LPIN1: variants seen among roughly 807,000 people sequenced by gnomAD.
The protein encoded by LPIN1 is phosphatidate phosphatase LPIN1.
In LPIN1, 71 loss-of-function variants were observed where a neutral mutation model predicts 107.5. The ratio of observed to expected loss-of-function variants is 0.66; its 90% CI spans 0.55 to 0.80. The LOEUF is 0.80. LPIN1 is among the 30% of genes least tolerant of loss of function. The pLI is 0.00. For missense variants in LPIN1, 1,043 were observed against 1,160.6 expected, an observed-to-expected ratio of 0.90 and a Z score of 1.47; for synonymous variants, 445 against 452.6, an observed-to-expected ratio of 0.98 and a Z score of 0.21.
chr2:11,818,769 T>C (rs960798129), intron 18 of LPIN1: 2 of 152,112 alleles, frequency 1.3e-5, no homozygotes, highest in Admixed American at 6.6e-5. Flanking sequence ...TCACTGTAGG[T>C]TTTTTTAGTA....
intron 1 of LPIN1, among the ~76,000 whole-genome samples, chr2:11,700,499 C>T (rs1208518982): frequency 6.6e-6 from 1 of 152,108 alleles, no homozygotes; most frequent in Non-Finnish European, 1.5e-5. Flanking sequence ...CTCTCATTCT[C>T]TCTCTCTCGC....
intron 7 of LPIN1, among the ~76,000 whole-genome samples, chr2:11,780,052 T>G (rs1673324763): frequency 6.6e-6 from 1 of 152,134 alleles, no homozygotes; most frequent in African/African-American, 2.4e-5. Context: ...CACTAATTTT[T>G]GTATTTTTAG....
chr2:11,824,659 C>T lies in LPIN1; in HGVS notation c.2649C>T (p.Asp883=). 1 of 1,614,096 alleles carries T rather than the reference C, an allele frequency of 6.2e-7. No homozygotes were observed. Among genetic ancestry groups the T allele is most frequent in the African/African-American group, 1.3e-5 (1 of 75,016 alleles). The change falls in exon 21 of 21, where the codon GAC becomes GAT. Residue 883 remains aspartate (D), a synonymous_variant. Transcript: ENST00000674199. ...ATGTGAGACTCTGTGAAGTAGTCGA[C>T]CACGTTTTCCCGTTGCTGAAAAGAA... ...SSYVRLCEVV[D]HVFPLLKRSH...
At chr2:11,713,808 T>C in exon 2 of LPIN1, 1 of 1,518,014 alleles carries the variant, frequency 6.6e-7, no homozygotes, top group Non-Finnish European at 8.8e-7. Flanking sequence ...TCTTCAAACA[T>C]TAACGTGAGT....
At chr2:11,691,868 A>C (rs1236403043) in intron 1 of LPIN1, among the ~76,000 whole-genome samples, 2 of 152,230 alleles carry the variant, frequency 1.3e-5, no homozygotes, top group African/African-American at 2.4e-5. Flanking sequence ...ACTATTACCC[A>C]ACCCAGGTTA....
chr2:11,737,050 C>T (rs1001708511), intron 1 of LPIN1, among the ~76,000 whole-genome samples: 5 of 152,128 alleles, frequency 3.3e-5, no homozygotes, highest in African/African-American at 4.8e-5. Context: ...GAGGAGGGAG[C>T]GAGGTAATGT....
At chr2:11,678,505 T>G (rs1661542710) in intron 1 of LPIN1, among the ~76,000 whole-genome samples, 1 of 152,100 alleles carries the variant, frequency 6.6e-6, no homozygotes. Flanking sequence ...CTGCAGAGGC[T>G]GAGATGGCAG....
intron 1 of LPIN1, among the ~76,000 whole-genome samples, chr2:11,689,274 G>C (rs1005256655): frequency 6.6e-6 from 1 of 152,150 alleles, no homozygotes. Context: ...TGCCCTGGTC[G>C]TTTCAAAGTA....
At chr2:11,739,305 C>T (rs1259265741) in intron 1 of LPIN1, among the ~76,000 whole-genome samples, 1 of 152,214 alleles carries the variant, frequency 6.6e-6, no homozygotes, top group African/African-American at 2.4e-5. Context: ...CCAGCCATCA[C>T]CTTGACTGCG....
chr2:11,678,977 T>C (rs1661569601), intron 1 of LPIN1, among the ~76,000 whole-genome samples: 1 of 152,188 alleles, frequency 6.6e-6, no homozygotes, highest in Admixed American at 6.5e-5. Flanking sequence ...TTATAATGGC[T>C]TTGTCTTGTT....
intron 1 of LPIN1, chr2:11,741,240 AGTTGCTGG>A: frequency 1.4e-6 from 1 of 701,482 alleles, no homozygotes; most frequent in Non-Finnish European, 2.3e-6. Flanking sequence ...TGTGTCCCTA[AGTTGCTGG>A]GTTAACCTCT....
At chr2:11,784,513 T>C (rs1674152176) in intron 9 of LPIN1, among the ~76,000 whole-genome samples, 1 of 152,170 alleles carries the variant, frequency 6.6e-6, no homozygotes, top group Admixed American at 6.5e-5. Context: ...AAGTGGCAGC[T>C]GTGCAGCCCT....
At chr2:11,773,790 G>A (rs1672250171) in intron 5 of LPIN1, 45 bp downstream of exon 5, 1 of 1,603,278 alleles carries the variant, frequency 6.2e-7, no homozygotes, top group African/African-American at 1.3e-5. Flanking sequence ...AGGCTTAGAA[G>A]TCAGTGATAG....
At chr2:11,821,800 A>G (rs895062930) in intron 20 of LPIN1, among the ~76,000 whole-genome samples, 1 of 152,190 alleles carries the variant, frequency 6.6e-6, no homozygotes, top group African/African-American at 2.4e-5. Context: ...CTCACCCTGC[A>G]GTCATGCCAG....
At chr2:11,787,392 CTTTTTCTTTTT>C (rs1294214795) in intron 11 of LPIN1, among the ~76,000 whole-genome samples, 2 of 113,692 alleles carry the variant, frequency 1.8e-5, no homozygotes, top group African/African-American at 3.8e-5. Context: ...CTTTTCTTTT[CTTTTTCTTTTT>C]TTTTTTTTTT....
chr2:11,753,326 T>A (rs59614513), intron 1 of LPIN1, among the ~76,000 whole-genome samples: 2,206 of 152,338 alleles, frequency 0.014, 51 homozygotes, highest in African/African-American at 0.049. Flanking sequence ...GCAGGCCTTT[T>A]AAAGCATCTC....
upstream of LPIN1, among the ~76,000 whole-genome samples, chr2:11,719,629 C>T (rs1479237286): frequency 1.3e-5 from 2 of 152,114 alleles, no homozygotes; most frequent in Non-Finnish European, 2.9e-5. Flanking sequence ...CTGGAGTAAA[C>T]GGAAAATAAA....
intron 9 of LPIN1, among the ~76,000 whole-genome samples, chr2:11,784,519 GC>G (rs1674154817): frequency 6.6e-6 from 1 of 152,204 alleles, no homozygotes; most frequent in African/African-American, 2.4e-5. Context: ...CAGCTGTGCA[GC>G]CCTTTTTTCC....
chr2:11,708,248 A>G (rs1188151159), intron 1 of LPIN1, among the ~76,000 whole-genome samples: 1 of 152,084 alleles, frequency 6.6e-6, no homozygotes. Context: ...CTTTTTGCCT[A>G]CTGCACTGTG....
Sources: gnomAD v4.1 joint callset for allele counts (sites outside exome capture counted in the v4.1 genomes callset) on GRCh38, gnomAD v4.1.1 for gene constraint, MANE v1.5 for transcripts, NCBI Gene and HGNC (gene_info 2026-07-23, HGNC 2026-07-21) for gene names.